Variants in RAB4B observed in about 807,000 individuals in gnomAD.
The protein encoded by RAB4B is RAB4B, member RAS oncogene family.
In RAB4B, 15 loss-of-function variants were observed where a neutral mutation model predicts 28.3. That is an observed-to-expected ratio of 0.53 (90% CI 0.35 to 0.82). The LOEUF is 0.82. Among genes scored for constraint, RAB4B ranks in the 40% least tolerant of loss-of-function variants. The probability of loss-of-function intolerance (pLI) is 0.01; values close to 1 mark genes in which losing one functional copy is unlikely to be tolerated. For synonymous variants in RAB4B, 108 were observed against 116.3 expected (o/e 0.93, Z 0.46); for missense variants, 244 against 288.5 (o/e 0.85, Z 1.12).
chr19:40,780,279 C>A, intron 2 of RAB4B, 106 bp from the exon 3 acceptor site: 1 of 1,431,312 alleles, frequency 7.0e-7, no homozygotes, highest in Non-Finnish European at 9.4e-7. Context: ...GTCACTCCAG[C>A]AAGGAGAATG....
rs1173685187 is a variant in RAB4B at position 40,788,784 on chromosome 19, CTTT to C, written c.*15+1827_*15+1829del. On this transcript the variant is annotated intron_variant, in intron 7 of 7. Transcript: ENST00000357052. ...TTTAATTTTTATAGAGACAGGGTTTCTTTTTTTTTTTTTTTTTTTTTTTGAGAT... is the reference window on the plus strand; with the variant it reads ...TTTAATTTTTATAGAGACAGGGTTTCTTTTTTTTTTTTTTTTTTTTGAGAT... Among the ~76,000 whole-genome samples the C allele has an allele frequency of 7.1e-5, 6 of 84,216 alleles. No homozygotes were observed. In the Admixed American group the frequency reaches 7.9e-4, roughly 11 times the overall value. The allele number at this position is 84,216 out of a possible 152,430, so 55.2% of individuals were successfully genotyped here. A position where few individuals can be genotyped will look rare whatever the true frequency, so the allele number is the denominator to read the frequency against.
rs767414646 is a variant in RAB4B, at chr19:40,779,958, C to CT, written c.17-55dup. On this transcript the variant is annotated intron_variant, in intron 1 of 7. Transcript: ENST00000357052. Reference sequence around the variant, plus strand: ...AGAGAGAGATTGGATTGGAATCCATCTTTTTTCCCTGTATCTTTCTCTCCC... The same window carrying CT: ...AGAGAGAGATTGGATTGGAATCCATCTTTTTTTCCCTGTATCTTTCTCTCCC... The CT allele has an allele frequency of 1.8e-4, 292 of 1,609,202 alleles. 7 individuals are homozygous for CT. The South Asian group carries it at 3.0e-3, about 17-fold the overall frequency.
In RAB4B at chr19:40,779,864, T is replaced by C; in HGVS notation, c.17-155T>C. On this transcript the variant is annotated intron_variant, in intron 1 of 7. Coordinates refer to ENST00000357052, the MANE Select transcript of RAB4B (RefSeq NM_016154.5). ...CATGGCAAGTACTACATAAGAGTTATCTGTTACTGTTACCTATTGGTTTGT... is the reference window on the plus strand; with the variant it reads ...CATGGCAAGTACTACATAAGAGTTACCTGTTACTGTTACCTATTGGTTTGT... 6 of 1,499,954 alleles carry C rather than the reference T, an allele frequency of 4.0e-6. No homozygotes were observed. The South Asian group carries it at 6.6e-5, about 16-fold the overall frequency. The allele number at this position is 1,499,954 out of a possible 1,614,324, so 92.9% of individuals were successfully genotyped here. A position where few individuals can be genotyped will look rare whatever the true frequency, so the allele number is the denominator to read the frequency against.
At chr19:40,789,091 C>T (rs1372066948) in intron 7 of RAB4B, among the ~76,000 whole-genome samples, 1 of 151,414 alleles carries the variant, frequency 6.6e-6, no homozygotes. Context: ...CACAGGGTTT[C>T]ATCATGTTGG....
rs1313895276 is a variant in RAB4B at position 40,783,805 on chromosome 19, G to A, written c.240G>A (p.Gly80=). 3 of 1,579,494 alleles carry A rather than the reference G, an allele frequency of 1.9e-6. No individual in the cohort carries two copies. The highest frequency in any genetic ancestry group is 2.6e-6 in the Non-Finnish European group (3 of 1,160,142). The change falls in exon 4 of 8, where the codon GGG becomes GGA. Residue 80 remains glycine (G), a synonymous_variant. Coordinates refer to ENST00000357052, the MANE Select transcript of RAB4B (RefSeq NM_016154.5). ...FRSVTRSYYR[G]AAGALLVYDI... Reference sequence around the variant, plus strand: ...CAGTGACGCGGAGTTATTACCGAGGGGCGGCTGGAGCCCTGCTGGTGTACG... The same window carrying A: ...CAGTGACGCGGAGTTATTACCGAGGAGCGGCTGGAGCCCTGCTGGTGTACG...
chr19:40,780,131 G>C, intron 2 of RAB4B, 32 bp downstream of exon 2: 1 of 1,611,896 alleles, frequency 6.2e-7, no homozygotes, highest in Non-Finnish European at 8.5e-7. Context: ...TGGGAACCCT[G>C]AGCTGTGTTT....
At chr19:40,778,684 G>C (rs1248787686) in intron 1 of RAB4B, among the ~76,000 whole-genome samples, 1 of 152,092 alleles carries the variant, frequency 6.6e-6, no homozygotes. Context: ...GATCTGGGCG[G>C]AGCCTGAGTG....
intron 5 of RAB4B, 171 bp from the exon 6 acceptor site, chr19:40,786,494 G>T: frequency 1.1e-6 from 1 of 919,316 alleles, no homozygotes. Flanking sequence ...GAGCTGGGTG[G>T]GCATATCGGG....
chr19:40,792,335 G>C (rs1387471936), intron 7 of RAB4B: 3 of 152,234 alleles, frequency 2.0e-5, no homozygotes. Flanking sequence ...AAAGTGCTCA[G>C]AATGGGGCCT....
chr19:40,779,913 C>T (rs758155944), intron 1 of RAB4B, 106 bp from the exon 2 acceptor site: 5 of 1,595,232 alleles, frequency 3.1e-6, no homozygotes, highest in South Asian at 2.3e-5. Flanking sequence ...TGTTTCTCTC[C>T]CTCTAACTGT....
Position 40,779,994 on chromosome 19 carries a change from C to A in RAB4B, c.17-25C>A, listed in dbSNP as rs771325431. On this transcript the variant is annotated intron_variant, in intron 1 of 7. Coordinates refer to ENST00000357052, the MANE Select transcript of RAB4B (RefSeq NM_016154.5). ...GTATCTTTCTCTCCCTGTGGGTATC[C>A]CTGATTTTGGCTCCATCTGGTCAGA... is the stretch of plus-strand genomic sequence containing the variant. The A allele has an allele frequency of 3.1e-6, 5 of 1,611,090 alleles. No homozygotes were observed. In the East Asian group the frequency reaches 8.9e-5, roughly 29 times the overall value.
rs1053718352 is a variant in RAB4B, at chr19:40,783,754, G to A, written c.213-24G>A. 5.2e-6 allele frequency: 8 copies of A among 1,537,390 alleles called. No individual in the cohort carries two copies. In the African/African-American group the frequency reaches 8.3e-5, roughly 16 times the overall value. On this transcript the variant is annotated intron_variant, in intron 3 of 7. Coordinates refer to ENST00000357052, the MANE Select transcript of RAB4B (RefSeq NM_016154.5). Reference sequence around the variant, plus strand: ...CGGGGCAGACCCCAGCCTTGGGGGTGACTGGGTCCCCCTGGCCCCACAGGT... The same window carrying A: ...CGGGGCAGACCCCAGCCTTGGGGGTAACTGGGTCCCCCTGGCCCCACAGGT...
chr19:40,782,046 G>T (rs2145040890), intron 3 of RAB4B, among the ~76,000 whole-genome samples: 1 of 150,218 alleles, frequency 6.7e-6, no homozygotes, highest in African/African-American at 2.5e-5. Context: ...AAAACCTTAG[G>T]AGAGTCGGAG....
chr19:40,791,906 T>C (rs781289218), intron 7 of RAB4B, among the ~76,000 whole-genome samples: 6 of 152,202 alleles, frequency 3.9e-5, no homozygotes, highest in Admixed American at 6.5e-5. Context: ...GTGCTGGAAT[T>C]ATAGGCATGA....
chr19:40,793,591 T>C (rs2083180020), intron 7 of RAB4B, among the ~76,000 whole-genome samples: 1 of 122,534 alleles, frequency 8.2e-6, no homozygotes, highest in African/African-American at 2.6e-5. Flanking sequence ...TTTTTTTTTT[T>C]TTTTAGATAT....
chr19:40,786,186 A>G (rs2083096935), intron 5 of RAB4B: 2 of 202,670 alleles, frequency 9.9e-6, no homozygotes, highest in African/African-American at 2.4e-5. Context: ...GAGCATGGGC[A>G]GAGGGCTCAG....
chr19:40,780,887 C>T (rs1012748073), intron 3 of RAB4B, among the ~76,000 whole-genome samples: 7 of 151,024 alleles, frequency 4.6e-5, no homozygotes, highest in Middle Eastern at 3.4e-3. Flanking sequence ...TGAGAGACAC[C>T]GAAACAGAAA....
Position 40,796,740 on chromosome 19 carries a change from C to T in RAB4B, c.*186C>T, listed in dbSNP as rs1025220558. 8 of 153,008 alleles carry T rather than the reference C, an allele frequency of 5.2e-5. No individual in the cohort carries two copies. The highest frequency in any genetic ancestry group is 3.3e-4 in the Admixed American group (5 of 15,288). 9.5% of individuals were successfully genotyped at this position (153,008 alleles called of 1,614,324 possible). ...TGAGCCACGGGGGAAGGGGGAATCC[C>T]GTACCTGCTGCTGCTTCCTCTGTCT... On this transcript the variant is annotated 3_prime_UTR_variant, in exon 8 of 8. Coordinates refer to ENST00000357052, the MANE Select transcript of RAB4B (RefSeq NM_016154.5).
In RAB4B at chr19:40,783,969, C is replaced by G. The variant is rs1349285239; in HGVS notation, c.324C>G (p.Thr108=). The G allele has an allele frequency of 1.2e-6, 2 of 1,613,970 alleles. No homozygotes were observed. The highest frequency in any genetic ancestry group is 2.2e-5 in the South Asian group (2 of 91,080). Residue 108 remains threonine (T), a synonymous_variant, in exon 5 of 8, where the codon ACC becomes ACG. Transcript: ENST00000357052. ...SLAAWLTDAR[T]LASPNIVVIL... ...CTGCCTGGCTGACGGATGCCCGCAC[C>G]CTGGCCAGCCCCAACATCGTGGTCA...
Sources: gnomAD v4.1 joint callset for allele counts (sites outside exome capture counted in the v4.1 genomes callset) on GRCh38, gnomAD v4.1.1 for gene constraint, MANE v1.5 for transcripts, NCBI Gene and HGNC (gene_info 2026-07-23, HGNC 2026-07-21) for gene names.